Variants in ZNF827 observed in about 807,000 individuals in gnomAD.
The protein encoded by ZNF827 is zinc finger protein 827.
A neutral mutation model predicts 102.4 loss-of-function variants in ZNF827; 13 were observed. The ratio of observed to expected loss-of-function variants is 0.13; its 90% confidence interval spans 0.08 to 0.20. The LOEUF (loss-of-function observed/expected upper bound fraction) is 0.20, where lower values mean the gene tolerates loss of function less well. ZNF827 is among the 10% of genes least tolerant of loss of function. The probability of loss-of-function intolerance (pLI) is 1.00; values close to 1 mark genes in which losing one functional copy is unlikely to be tolerated. For synonymous variants in ZNF827, 523 were observed against 536.2 expected (o/e 0.98, Z 0.34); for missense variants, 1,103 against 1,344.4 (o/e 0.82, Z 2.81).
chr4:145,789,880 T>C (rs1023542309), intron 8 of ZNF827, among the ~76,000 whole-genome samples: 11 of 152,244 alleles, frequency 7.2e-5, no homozygotes, highest in African/African-American at 2.7e-4. Flanking sequence ...AGGGCCTGCC[T>C]GGAGAGAGAA....
Position 145,877,179 on chromosome 4 carries a change from G to A in ZNF827, c.1748-6701C>T, listed in dbSNP as rs1255105972. Among the ~76,000 whole-genome samples, 25 of 152,092 alleles carry A rather than the reference G, an allele frequency of 1.6e-4. 1 individual carries two copies. Among genetic ancestry groups the A allele is most frequent in the Non-Finnish European group, 1.5e-4 (10 of 68,020 alleles). ...AACACATAGGCTCAGAGGATTATAC[G>A]ATCTTTTGAAAATCACATAGCTCAT... On this transcript the variant is annotated intron_variant, in intron 4 of 14. Coordinates refer to ENST00000508784, the MANE Select transcript of ZNF827 (RefSeq NM_001306215.2).
Position 145,762,166 on chromosome 4 carries a change from C to G in ZNF827, c.*18-568G>C, listed in dbSNP as rs1306086142. 2.6e-5 allele frequency among the ~76,000 whole-genome samples: 4 copies of G among 152,072 alleles called. No homozygotes were observed. The highest frequency in any genetic ancestry group is 7.3e-5 in the African/African-American group (3 of 41,376). ...TTAAGGGTTTGTTAGGATGAGAAGGCCTGTGTGTGTCTCTCTGTGTGAGTG... is the reference window on the plus strand; with the variant it reads ...TTAAGGGTTTGTTAGGATGAGAAGGGCTGTGTGTGTCTCTCTGTGTGAGTG... On this transcript the variant is annotated intron_variant, in intron 14 of 14. Transcript: ENST00000508784. The surrounding 1 kb of genome is among the most constrained non-coding windows in gnomAD (Gnocchi z 4.9).
intron 4 of ZNF827, among the ~76,000 whole-genome samples, chr4:145,875,800 C>T (rs1036645962): frequency 6.6e-6 from 1 of 152,130 alleles, no homozygotes; most frequent in African/African-American, 2.4e-5. Flanking sequence ...ACTCTTGAGC[C>T]TGGAAGGGAC....
intron 2 of ZNF827, among the ~76,000 whole-genome samples, chr4:145,892,627 A>G (rs940083099): frequency 6.7e-6 from 1 of 150,156 alleles, no homozygotes; most frequent in Non-Finnish European, 1.5e-5. Flanking sequence ...TCTGGGCTCC[A>G]TTTTCCAAAA....
At chr4:145,832,862 C>G (rs1744374203) in intron 7 of ZNF827, 1 of 152,316 alleles carries the variant, frequency 6.6e-6, no homozygotes, top group South Asian at 2.1e-4. Context: ...TTTTCCTTTA[C>G]CTACCCAAAT....
chr4:145,823,449 C>T lies in ZNF827; in HGVS notation c.2356G>A (p.Val786Met), dbSNP rs200486989. 311 of 1,605,158 alleles carry T rather than the reference C, an allele frequency of 1.9e-4. No homozygotes were observed. Among genetic ancestry groups the T allele is most frequent in the Non-Finnish European group, 3.6e-5 (42 of 1,176,066 alleles). The change falls in exon 8 of 15, where the codon GTG (valine) becomes ATG (methionine). Residue 786 changes from valine to methionine, a missense_variant. Physicochemically the swap from Val to Met is conservative, Grantham distance 21. Coordinates refer to ENST00000508784, the MANE Select transcript of ZNF827 (RefSeq NM_001306215.2). ...NSKELLPSDS[V>M]LHGRISAPET... ...GGAGCTGATATTCTTCCGTGCAGCA[C>T]GGAGTCACTGGGCAGCAGTTCTTTT...
chr4:145,930,995 A>C (rs760221610), intron 1 of ZNF827, among the ~76,000 whole-genome samples: 1 of 152,222 alleles, frequency 6.6e-6, no homozygotes, highest in African/African-American at 2.4e-5. Context: ...ATTCTAGCCC[A>C]AGGTGGGTCC....
chr4:145,803,870 G>A (rs1348069544), intron 8 of ZNF827, among the ~76,000 whole-genome samples: 1 of 152,094 alleles, frequency 6.6e-6, no homozygotes, highest in African/African-American at 2.4e-5. Context: ...GGTTATTTAT[G>A]CATACAAAAA....
intron 5 of ZNF827, among the ~76,000 whole-genome samples, chr4:145,862,554 T>C (rs1368235257): frequency 2.6e-5 from 4 of 152,160 alleles, no homozygotes; most frequent in Admixed American, 2.6e-4. Context: ...GCTCACGGTG[T>C]GTATGGCAAT....
intron 1 of ZNF827, among the ~76,000 whole-genome samples, chr4:145,937,785 C>T (rs1410434200): frequency 2.0e-5 from 3 of 149,550 alleles, no homozygotes; most frequent in South Asian, 2.1e-4. Context: ...GGCCGACCAA[C>T]CCCGGCGCAA....
chr4:145,786,443 A>G (rs554617241), intron 8 of ZNF827, among the ~76,000 whole-genome samples: 1 of 152,360 alleles, frequency 6.6e-6, no homozygotes, highest in South Asian at 2.1e-4. Flanking sequence ...TCATTACTGA[A>G]GAAGAGGCTC....
chr4:145,832,796 C>A (rs1744366759), intron 7 of ZNF827: 1 of 152,682 alleles, frequency 6.5e-6, no homozygotes, highest in Admixed American at 6.5e-5. Flanking sequence ...GATGACATTA[C>A]CTTGTGTGCG....
In ZNF827 at chr4:145,785,159, G is replaced by A. The variant is rs141338274; in HGVS notation, c.2384-5648C>T. Among the ~76,000 whole-genome samples, 300 of 152,252 alleles carry A rather than the reference G, an allele frequency of 2.0e-3. 1 individual carries two copies. Among genetic ancestry groups the A allele is most frequent in the African/African-American group, 6.8e-3 (284 of 41,552 alleles). On this transcript the variant is annotated intron_variant, in intron 8 of 14. Coordinates refer to ENST00000508784, the MANE Select transcript of ZNF827 (RefSeq NM_001306215.2). ...AGTAGGAACACAGTGTAAGGAGAACGATCTCATCTTAGCAATCCCAAAACA... is the reference window on the plus strand; with the variant it reads ...AGTAGGAACACAGTGTAAGGAGAACAATCTCATCTTAGCAATCCCAAAACA...
chr4:145,806,866 T>C (rs1449069826), intron 8 of ZNF827, among the ~76,000 whole-genome samples: 1 of 152,194 alleles, frequency 6.6e-6, no homozygotes, highest in Non-Finnish European at 1.5e-5. Flanking sequence ...AACACTCTAT[T>C]TTCAACAACC....
chr4:145,803,876 A>C (rs760730041), intron 8 of ZNF827, among the ~76,000 whole-genome samples: 37 of 152,200 alleles, frequency 2.4e-4, no homozygotes, highest in Non-Finnish European at 4.1e-4. Context: ...TTATGCATAC[A>C]AAAAGAATTC....
intron 4 of ZNF827, among the ~76,000 whole-genome samples, chr4:145,874,235 A>G (rs565351147): frequency 6.6e-6 from 1 of 152,368 alleles, no homozygotes; most frequent in South Asian, 2.1e-4. Flanking sequence ...GCAATAGGCA[A>G]GCTGTATATT....
chr4:145,770,336 AAATAAATAAAT>A (rs368207644), intron 11 of ZNF827, among the ~76,000 whole-genome samples: 53,601 of 149,488 alleles, frequency 0.36, 10,799 homozygotes, highest in Non-Finnish European at 0.47. Flanking sequence ...ATAAATAAAT[AAATAAATAAAT>A]AAAATAGATC....
chr4:145,759,701 G>T lies in ZNF827; in HGVS notation c.*1915C>A, dbSNP rs1374981546. 3 of 149,400 alleles carry T rather than the reference G, an allele frequency of 2.0e-5. No individual in the cohort carries two copies. Among genetic ancestry groups the T allele is most frequent in the African/African-American group, 2.5e-5 (1 of 40,550 alleles). 9.3% of individuals were successfully genotyped at this position (149,400 alleles called of 1,614,324 possible). ...CTTTTATTTTACTTTTTTTTTTTCAGATGAGAAACAAAAACTAGTGCAAGA... is the reference window on the plus strand; with the variant it reads ...CTTTTATTTTACTTTTTTTTTTTCATATGAGAAACAAAAACTAGTGCAAGA... On this transcript the variant is annotated 3_prime_UTR_variant, in exon 15 of 15. Transcript: ENST00000508784.
At position 145,870,489 on chromosome 4, in the gene ZNF827, A is replaced by C; in HGVS notation, c.1748-11T>G. On this transcript the variant is annotated splice_polypyrimidine_tract_variant and intron_variant, in intron 4 of 14. Transcript: ENST00000508784. The stretch of plus-strand genomic sequence containing the variant: ...CCTTCTGATTTGCAGCTGTCAAAAG[A>C]AAAAAAGGGATTATATATACATAAA... The C allele has an allele frequency of 6.2e-7, 1 of 1,611,572 alleles. No individual in the cohort carries two copies. Among genetic ancestry groups the C allele is most frequent in the Non-Finnish European group, 8.5e-7 (1 of 1,178,246 alleles).
Sources: allele counts gnomAD v4.1 joint callset (sites outside exome capture counted in the v4.1 genomes callset), GRCh38; gene constraint gnomAD v4.1.1; non-coding constraint Gnocchi (gnomAD v3.1); transcripts MANE v1.5; gene names NCBI Gene and HGNC (gene_info 2026-07-23, HGNC 2026-07-21).